The following ADK variants were observed in gnomAD, a reference collection of about 807,000 sequenced individuals.
ADK encodes the protein N6,N6-dimethyladenosine kinase.
Under a neutral mutation model 44.7 loss-of-function variants are expected in ADK, and 24 were observed. That is an observed-to-expected ratio of 0.54 (90% CI 0.39 to 0.76). The LOEUF is 0.76. ADK is among the 30% of genes least tolerant of loss of function. ADK has a pLI of 0.00. For synonymous variants in ADK, 128 were observed against 142.6 expected (o/e 0.90, Z 0.73); for missense variants, 321 against 425.1 (o/e 0.76, Z 2.15).
intron 7 of ADK, among the ~76,000 whole-genome samples, chr10:74,538,470 C>T (rs1256817012): frequency 2.0e-5 from 3 of 152,034 alleles, no homozygotes; most frequent in African/African-American, 4.8e-5. Flanking sequence ...TATCAACAAA[C>T]GAATTACAAA....
At chr10:74,449,444 G>T (rs1845694904) in intron 6 of ADK, among the ~76,000 whole-genome samples, 1 of 152,052 alleles carries the variant, frequency 6.6e-6, no homozygotes, top group Admixed American at 6.5e-5. Flanking sequence ...TAGTCAAGTT[G>T]TCACCTCAAA....
chr10:74,492,232 A>AT (rs1328210693), intron 6 of ADK, among the ~76,000 whole-genome samples: 4 of 152,132 alleles, frequency 2.6e-5, no homozygotes, highest in East Asian at 1.9e-4. Flanking sequence ...TCTTATTCAA[A>AT]TTTTTTCAGT....
chr10:74,498,080 G>A (rs1214495651), intron 6 of ADK, among the ~76,000 whole-genome samples: 1 of 151,996 alleles, frequency 6.6e-6, no homozygotes, highest in Non-Finnish European at 1.5e-5. Context: ...TAGTAGGGAT[G>A]GGATTTCACC....
intron 9 of ADK, among the ~76,000 whole-genome samples, chr10:74,618,939 C>T (rs1015662152): frequency 6.6e-6 from 1 of 151,406 alleles, no homozygotes; most frequent in African/African-American, 2.4e-5. Context: ...GATACTAGAA[C>T]TGTTTATACT....
chr10:74,389,351 A>C (rs527738663), intron 4 of ADK, among the ~76,000 whole-genome samples: 3 of 152,318 alleles, frequency 2.0e-5, no homozygotes, highest in East Asian at 3.9e-4. Flanking sequence ...GCAGACATGC[A>C]TTAAATGTTT....
intron 6 of ADK, chr10:74,509,640 CTAAA>C (rs1341599584): frequency 1.3e-5 from 2 of 152,096 alleles, no homozygotes; most frequent in Non-Finnish European, 2.9e-5. Context: ...TTTTTGTTAA[CTAAA>C]TAGTCATCCT....
intron 9 of ADK, among the ~76,000 whole-genome samples, chr10:74,611,277 T>C (rs1852533446): frequency 6.6e-6 from 1 of 152,076 alleles, no homozygotes; most frequent in African/African-American, 2.4e-5. Context: ...GTAATCTGCC[T>C]TCCTAGGCCT....
intron 6 of ADK, among the ~76,000 whole-genome samples, chr10:74,512,920 T>C (rs1256951555): frequency 2.0e-5 from 3 of 152,078 alleles, no homozygotes; most frequent in African/African-American, 7.2e-5. Flanking sequence ...CTCTGAATAC[T>C]GTTTTTGCTG....
chr10:74,472,404 A>C (rs779378563), intron 6 of ADK, among the ~76,000 whole-genome samples: 2 of 152,146 alleles, frequency 1.3e-5, no homozygotes, highest in Non-Finnish European at 2.9e-5. Flanking sequence ...TTCTGCATCA[A>C]TAGAGATGTC....
intron 7 of ADK, among the ~76,000 whole-genome samples, chr10:74,538,487 A>G (rs1353336742): frequency 6.6e-6 from 1 of 152,240 alleles, no homozygotes; most frequent in African/African-American, 2.4e-5. Flanking sequence ...CAAAACAGTG[A>G]GCAAAATTCT....
chr10:74,258,291 G>A (rs1490466160), intron 3 of ADK, among the ~76,000 whole-genome samples: 1 of 151,976 alleles, frequency 6.6e-6, no homozygotes, highest in Non-Finnish European at 1.5e-5. Context: ...TAGCCTAAAA[G>A]GTCAATATTA....
rs530734448 is a variant in ADK, at chr10:74,321,857, A to G, written c.273+7112A>G. 2.6e-5 allele frequency among the ~76,000 whole-genome samples: 4 copies of G among 152,338 alleles called. No individual in the cohort carries two copies. The South Asian group carries it at 8.3e-4, about 32-fold the overall frequency. ...GTATTTTAAAGCTTTCCAAAATTCT[A>G]TGTAAAATGAGTTTCTAAAAACACT... is the stretch of plus-strand genomic sequence containing the variant. On this transcript the variant is annotated intron_variant, in intron 4 of 10. Coordinates refer to ENST00000539909, the MANE Select transcript of ADK (RefSeq NM_006721.4).
chr10:74,604,289 CA>C (rs1315747848), intron 9 of ADK, among the ~76,000 whole-genome samples: 1 of 152,096 alleles, frequency 6.6e-6, no homozygotes, highest in East Asian at 1.9e-4. Flanking sequence ...CTTTTGTTCC[CA>C]TTACTTTTGG....
chr10:74,188,343 ATTTTTTTTTT>A (rs765922880), intron 1 of ADK, among the ~76,000 whole-genome samples: 9 of 81,368 alleles, frequency 1.1e-4, no homozygotes, highest in Non-Finnish European at 1.8e-4. Context: ...TGTATTTTTA[ATTTTTTTTTT>A]TTTTTTTTTT....
chr10:74,401,772 A>G (rs1843723612), intron 6 of ADK, among the ~76,000 whole-genome samples: 1 of 152,058 alleles, frequency 6.6e-6, no homozygotes, highest in Non-Finnish European at 1.5e-5. Context: ...TGTGAAGTTG[A>G]TCCTGTCATT....
At chr10:74,451,315 C>T (rs1230183888) in intron 6 of ADK, among the ~76,000 whole-genome samples, 1 of 151,820 alleles carries the variant, frequency 6.6e-6, no homozygotes, top group Non-Finnish European at 1.5e-5. Context: ...TTATTTTAGC[C>T]AGTAAAATTG....
chr10:74,437,757 C>T lies in ADK; in HGVS notation c.555+39178C>T, dbSNP rs377605824. Among the ~76,000 whole-genome samples the T allele has an allele frequency of 2.0e-4, 31 of 152,290 alleles. 2 individuals carry two copies. Among genetic ancestry groups the T allele is most frequent in the African/African-American group, 7.2e-4 (30 of 41,554 alleles). On this transcript the variant is annotated intron_variant, in intron 6 of 10. Coordinates refer to ENST00000539909, the MANE Select transcript of ADK (RefSeq NM_006721.4). The stretch of plus-strand genomic sequence containing the variant: ...ATAAAACATTTTGATGTTTAAATCC[C>T]TCTCATGGCTGCCAATGATTGCTCA...
intron 3 of ADK, among the ~76,000 whole-genome samples, chr10:74,227,112 AG>A (rs763511283): frequency 6.6e-6 from 1 of 152,220 alleles, no homozygotes; most frequent in Non-Finnish European, 1.5e-5. Flanking sequence ...TCTGCTAAGG[AG>A]TGTATAACAA....
intron 3 of ADK, among the ~76,000 whole-genome samples, chr10:74,260,176 C>A (rs767605921): frequency 6.6e-6 from 1 of 152,188 alleles, no homozygotes; most frequent in African/African-American, 2.4e-5. Context: ...CCCACTCCCC[C>A]CAAAATCAGC....
Sources: allele counts gnomAD v4.1 joint callset (sites outside exome capture counted in the v4.1 genomes callset), GRCh38; gene constraint gnomAD v4.1.1; transcripts MANE v1.5; gene names NCBI Gene and HGNC (gene_info 2026-07-23, HGNC 2026-07-21).